The following FGF12 variants were observed in gnomAD, a reference collection of about 807,000 sequenced individuals.
The protein encoded by FGF12 is fibroblast growth factor 12B.
Under a neutral mutation model 23.6 loss-of-function variants are expected in FGF12, and 14 were observed. That is an observed-to-expected ratio of 0.59 (90% confidence interval 0.39 to 0.93). The LOEUF (loss-of-function observed/expected upper bound fraction) is 0.93. Ranked by LOEUF, FGF12 falls within the 40% of genes least tolerant of loss-of-function variation. The pLI is 0.00. For synonymous variants in FGF12, 62 were observed against 77.3 expected (o/e 0.80, Z 1.04); for missense variants, 175 against 217.8 (o/e 0.80, Z 1.24).
chr3:192,414,499 T>C (rs1721285325), intron 2 of FGF12, among the ~76,000 whole-genome samples: 1 of 152,194 alleles, frequency 6.6e-6, no homozygotes. Flanking sequence ...AAAATAAGAA[T>C]GTGCAGATCA....
chr3:192,444,527 T>C (rs1328495019), intron 2 of FGF12, among the ~76,000 whole-genome samples: 3 of 152,194 alleles, frequency 2.0e-5, no homozygotes, highest in African/African-American at 2.4e-5. Context: ...TAGACAAGAC[T>C]GGAACCAGTG....
intron 5 of FGF12, among the ~76,000 whole-genome samples, chr3:192,144,712 C>T (rs1306209673): frequency 6.6e-6 from 1 of 152,118 alleles, no homozygotes; most frequent in African/African-American, 2.4e-5. Flanking sequence ...CAATAGGGAA[C>T]GTGATTATGC....
At chr3:192,375,157 A>G (rs1399169067) in intron 2 of FGF12, among the ~76,000 whole-genome samples, 1 of 152,212 alleles carries the variant, frequency 6.6e-6, no homozygotes, top group Non-Finnish European at 1.5e-5. Flanking sequence ...AACACCAAAT[A>G]TTTGGATTTT....
chr3:192,536,585 T>C (rs1298340551), intron 2 of FGF12, among the ~76,000 whole-genome samples: 3 of 152,078 alleles, frequency 2.0e-5, no homozygotes, highest in Non-Finnish European at 2.9e-5. Flanking sequence ...AATTGTAAAA[T>C]ATGTTGAGAA....
At chr3:192,593,671 A>G (rs560206251) in intron 2 of FGF12, among the ~76,000 whole-genome samples, 11 of 152,048 alleles carry the variant, frequency 7.2e-5, no homozygotes, top group African/African-American at 2.4e-4. Context: ...CCGAAAAACA[A>G]TCTCACAAGA....
At chr3:192,145,927 A>T (rs1431798709) in intron 5 of FGF12, among the ~76,000 whole-genome samples, 1 of 43,460 alleles carries the variant, frequency 2.3e-5, no homozygotes, top group Non-Finnish European at 8.6e-5. Context: ...TTTCTATTAT[A>T]AAAAAAATTA....
chr3:192,657,181 C>G (rs1159253458), intron 2 of FGF12, among the ~76,000 whole-genome samples: 6 of 151,510 alleles, frequency 4.0e-5, no homozygotes, highest in Non-Finnish European at 8.8e-5. Flanking sequence ...CTGTACATTT[C>G]TGAACTTTAT....
chr3:192,718,231 T>A (rs1454787461), intron 2 of FGF12, among the ~76,000 whole-genome samples: 1 of 139,030 alleles, frequency 7.2e-6, no homozygotes, highest in Non-Finnish European at 1.5e-5. Context: ...GAAAACCATA[T>A]CCACCAAATC....
intron 2 of FGF12, among the ~76,000 whole-genome samples, chr3:192,575,446 G>A (rs1302491577): frequency 3.9e-5 from 6 of 152,100 alleles, no homozygotes; most frequent in Non-Finnish European, 8.8e-5. Flanking sequence ...CATTAACTTC[G>A]CTAATAGCCA....
intron 2 of FGF12, among the ~76,000 whole-genome samples, chr3:192,725,318 T>G (rs1719174997): frequency 1.3e-5 from 2 of 151,384 alleles, no homozygotes; most frequent in Admixed American, 6.6e-5. Flanking sequence ...TTATGGGACC[T>G]CTGCAAAATG....
chr3:192,189,018 C>G (rs1448102135), intron 4 of FGF12, among the ~76,000 whole-genome samples: 1 of 152,220 alleles, frequency 6.6e-6, no homozygotes, highest in Non-Finnish European at 1.5e-5. Flanking sequence ...AGGCTCCCCT[C>G]CCTACACATG....
At chr3:192,506,516 G>C (rs992767072) in intron 2 of FGF12, among the ~76,000 whole-genome samples, 55 of 152,030 alleles carry the variant, frequency 3.6e-4, no homozygotes, top group African/African-American at 1.3e-3. Flanking sequence ...GATTATAGCT[G>C]CGCAACACTG....
At chr3:192,417,799 C>T (rs1456717344) in intron 2 of FGF12, among the ~76,000 whole-genome samples, 1 of 152,028 alleles carries the variant, frequency 6.6e-6, no homozygotes, top group Non-Finnish European at 1.5e-5. Flanking sequence ...GGTAAACCCA[C>T]ACCACTCTAG....
chr3:192,455,332 C>A (rs1248745586), intron 2 of FGF12, among the ~76,000 whole-genome samples: 4 of 152,096 alleles, frequency 2.6e-5, no homozygotes, highest in East Asian at 1.9e-4. Context: ...GGGGTGATGA[C>A]AAGAAGATTG....
chr3:192,549,801 A>T (rs148634722), intron 2 of FGF12, among the ~76,000 whole-genome samples: 1 of 152,246 alleles, frequency 6.6e-6, no homozygotes, highest in East Asian at 1.9e-4. Context: ...TTCAGACTCA[A>T]ACTGAAATAT....
rs1713475701 is a variant in FGF12 at position 192,142,853 on chromosome 3, T to C, written c.*1156A>G. On this transcript the variant is annotated 3_prime_UTR_variant, in exon 6 of 6. Transcript: ENST00000445105. ...AGCAACAAATTAGCTACTGGCTTTG[T>C]AAGATAGTAAGTTAGGAATTTCACA... 6.6e-6 allele frequency: 1 copy of C among 152,124 alleles called. No homozygotes were observed. Among genetic ancestry groups the C allele is most frequent in the African/African-American group, 2.4e-5 (1 of 41,442 alleles). The allele number at this position is 152,124 out of a possible 1,614,324, so 9.4% of individuals were successfully genotyped here.
At chr3:192,594,165 G>A (rs1056435557) in intron 2 of FGF12, among the ~76,000 whole-genome samples, 2 of 151,776 alleles carry the variant, frequency 1.3e-5, no homozygotes, top group Admixed American at 6.6e-5. Context: ...AGTGAAACAC[G>A]GGGTGCATAA....
chr3:192,191,644 G>A (rs1343336417), intron 4 of FGF12, among the ~76,000 whole-genome samples: 1 of 152,090 alleles, frequency 6.6e-6, no homozygotes. Context: ...GACCATCCTG[G>A]CCAACATGGT....
intron 2 of FGF12, among the ~76,000 whole-genome samples, chr3:192,693,888 G>A (rs1211558487): frequency 1.3e-5 from 2 of 151,756 alleles, no homozygotes; most frequent in African/African-American, 2.4e-5. Context: ...GGCAACAAAA[G>A]AAAAAATAAA....
Sources: gnomAD v4.1 joint callset for allele counts (sites outside exome capture counted in the v4.1 genomes callset) on GRCh38, gnomAD v4.1.1 for gene constraint, MANE v1.5 for transcripts, NCBI Gene and HGNC (gene_info 2026-07-23, HGNC 2026-07-21) for gene names.